Variants in ZBTB17 observed in about 807,000 individuals in gnomAD.
ZBTB17 encodes zinc finger and BTB domain containing 17, also known as zinc finger and BTB domain-containing protein 17.
In ZBTB17, 24 loss-of-function variants were observed where a neutral mutation model predicts 85.1. The ratio of observed to expected loss-of-function variants is 0.28; its 90% CI spans 0.20 to 0.40. ZBTB17 has a LOEUF of 0.40. ZBTB17 is among the 10% of genes least tolerant of loss of function. ZBTB17 has a pLI of 1.00. For missense variants in ZBTB17, 743 were observed against 1,105.1 expected (o/e 0.67, Z 4.65); for synonymous variants, 464 against 460.2 (o/e 1.01, Z -0.11).
chr1:15,945,174 C>T lies in ZBTB17; in HGVS notation c.690G>A (p.Gly230=). The change falls in exon 7 of 16, where the codon GGG becomes GGA. Residue 230 remains glycine (G), a synonymous_variant. Coordinates refer to ENST00000375743, the MANE Select transcript of ZBTB17 (RefSeq NM_003443.3). ...CCTCTTGCTCCTTTTGCTCCTCTTC[C>T]CCTTTCCGGGCGGGCTCCACCTCCA... ...QEMEVEPARK[G]EEEQKEQEEQ... is the part of the protein sequence containing the mutation. 1 of 1,562,256 alleles carries T rather than the reference C, an allele frequency of 6.4e-7. No homozygotes were observed. The highest frequency in any genetic ancestry group is 2.4e-5 in the East Asian group (1 of 42,060).
chr1:15,960,014 C>T (rs1002527903), intron 2 of ZBTB17, among the ~76,000 whole-genome samples: 3 of 152,180 alleles, frequency 2.0e-5, no homozygotes, highest in African/African-American at 4.8e-5. Flanking sequence ...CTTGAGGGGA[C>T]GCCCCGAGCA....
At chr1:15,967,775 G>C (rs1405617035) in intron 2 of ZBTB17, among the ~76,000 whole-genome samples, 1 of 152,168 alleles carries the variant, frequency 6.6e-6, no homozygotes, top group Non-Finnish European at 1.5e-5. Context: ...TTATATTCAA[G>C]GTAACTATTA....
At chr1:15,971,361 A>T (rs538095236) in intron 2 of ZBTB17, among the ~76,000 whole-genome samples, 25 of 131,526 alleles carry the variant, frequency 1.9e-4, no homozygotes, top group African/African-American at 2.4e-4. Context: ...ATACACACAC[A>T]ATATATATAT....
intron 2 of ZBTB17, among the ~76,000 whole-genome samples, chr1:15,967,042 G>C (rs1336117576): frequency 2.6e-5 from 4 of 151,826 alleles, no homozygotes; most frequent in African/African-American, 4.8e-5. Flanking sequence ...TTTCATTAAA[G>C]TTGAGGTCCC....
At position 15,964,888 on chromosome 1, in the gene ZBTB17, G is replaced by A. The variant is rs1300486466; in HGVS notation, c.-3+8151C>T. ...CCCAGCACTTTGGGAGGCCGAGATG[G>A]GTGGATCATGAGGTCAGGAGTTCAA... On this transcript the variant is annotated intron_variant, in intron 2 of 15. Transcript: ENST00000375743. The surrounding 1 kb of genome is among the most constrained non-coding windows in gnomAD (Gnocchi z 4.3). Among the ~76,000 whole-genome samples, 1 of 152,098 alleles carries A rather than the reference G, an allele frequency of 6.6e-6. No individual in the cohort carries two copies. The highest frequency in any genetic ancestry group is 6.5e-5 in the Admixed American group (1 of 15,278).
chr1:15,959,374 G>T (rs537014206), intron 2 of ZBTB17, among the ~76,000 whole-genome samples: 50 of 152,242 alleles, frequency 3.3e-4, no homozygotes, highest in Admixed American at 2.9e-3. Flanking sequence ...AGTGGGGAAG[G>T]AGCTCAACTT....
intron 2 of ZBTB17, among the ~76,000 whole-genome samples, chr1:15,959,481 G>C (rs1365201885): frequency 7.1e-6 from 1 of 140,310 alleles, no homozygotes; most frequent in Non-Finnish European, 1.5e-5. Context: ...GAGAGAAAAA[G>C]AGGAGGGAAG....
At chr1:15,959,783 T>TA (rs371806472) in intron 2 of ZBTB17, among the ~76,000 whole-genome samples, 1 of 151,590 alleles carries the variant, frequency 6.6e-6, no homozygotes, top group South Asian at 2.1e-4. Flanking sequence ...AAAATAAAAA[T>TA]AAAAAAGACA....
rs1391343853 is a variant in ZBTB17, at chr1:15,951,324, A to G, written c.-2-2827T>C. 4.3e-5 allele frequency among the ~76,000 whole-genome samples: 6 copies of G among 138,800 alleles called. No homozygotes were observed. The highest frequency in any genetic ancestry group is 1.6e-4 in the African/African-American group (6 of 38,208). The allele number at this position is 138,800 out of a possible 152,430, so 91.1% of individuals were successfully genotyped here. A position where few individuals can be genotyped will look rare whatever the true frequency, so the allele number is the denominator to read the frequency against. On this transcript the variant is annotated intron_variant, in intron 2 of 15. Transcript: ENST00000375743. The surrounding 1 kb of genome is among the most constrained non-coding windows in gnomAD (Gnocchi z 4.1). ...GAGAAGAAGGAAGGAAGGAAGGGAGAGAGGGAGGGAGGGAGGGGCCCTGTA... is the reference window on the plus strand; with the variant it reads ...GAGAAGAAGGAAGGAAGGAAGGGAGGGAGGGAGGGAGGGAGGGGCCCTGTA...
rs758904328 is a variant in ZBTB17 at position 15,942,671 on chromosome 1, G to A, written c.1896C>T (p.His632=). 6.2e-6 allele frequency: 10 copies of A among 1,613,640 alleles called. No individual in the cohort carries two copies. Among genetic ancestry groups the A allele is most frequent in the African/African-American group, 1.3e-5 (1 of 75,064 alleles). ...GFNRVDNLRS[H]VKTVHQGKAG... is the part of the protein sequence containing the mutation. ...CCTTGCCCTGGTGCACGGTCTTCAC[G>A]TGGGAGCGCAGGTTGTCTACCCGGT... The change falls in exon 14 of 16, where the codon CAC becomes CAT. Residue 632 remains histidine, a synonymous_variant. Transcript: ENST00000375743.
Position 15,942,258 on chromosome 1 carries a change from G to A in ZBTB17, c.2129-6C>T, listed in dbSNP as rs2071390589. ...GAGGATGTGAGTGTTGGGGTCTGTG[G>A]AGGTGGGGCAGCAGTCAGAGTGGGA... On this transcript the variant is annotated splice_region_variant and splice_polypyrimidine_tract_variant and intron_variant, in intron 15 of 15. Transcript: ENST00000375743. The A allele has an allele frequency of 1.2e-6, 2 of 1,613,230 alleles. No individual in the cohort carries two copies. The highest frequency in any genetic ancestry group is 1.7e-6 in the Non-Finnish European group (2 of 1,179,424).
In ZBTB17 at chr1:15,973,337, C is replaced by T. The variant is rs2072747189; in HGVS notation, c.-89-212G>A. ...AAAGATGCACAGACTCAGCCTCAGG[C>T]CCTGCTCTCAAGAACTCCAGCTCAA... On this transcript the variant is annotated intron_variant, in intron 1 of 15. Coordinates refer to ENST00000375743, the MANE Select transcript of ZBTB17 (RefSeq NM_003443.3). The surrounding 1 kb of genome is among the most constrained non-coding windows in gnomAD (Gnocchi z 4.1). Among the ~76,000 whole-genome samples the T allele has an allele frequency of 6.6e-6, 1 of 152,190 alleles. No homozygotes were observed. Among genetic ancestry groups the T allele is most frequent in the Admixed American group, 6.5e-5 (1 of 15,284 alleles).
intron 2 of ZBTB17, among the ~76,000 whole-genome samples, chr1:15,960,468 A>G (rs1484752327): frequency 6.6e-6 from 1 of 152,236 alleles, no homozygotes; most frequent in African/African-American, 2.4e-5. Context: ...TCCTTATCCT[A>G]TCTTCTGAAA....
At position 15,951,355 on chromosome 1, in the gene ZBTB17, A is replaced by G. The variant is rs1205015500; in HGVS notation, c.-2-2858T>C. On this transcript the variant is annotated intron_variant, in intron 2 of 15. Transcript: ENST00000375743. This position sits in a 1 kb window ranked among gnomAD's most constrained non-coding sequence, Gnocchi z 4.1. ...AGGGAGGGAGGGGCCCTGTACCCACAGAGAGATCAGCAGCAGCTGAAATGC... is the reference window on the plus strand; with the variant it reads ...AGGGAGGGAGGGGCCCTGTACCCACGGAGAGATCAGCAGCAGCTGAAATGC... Among the ~76,000 whole-genome samples the G allele has an allele frequency of 6.7e-6, 1 of 149,226 alleles. No homozygotes were observed. The highest frequency in any genetic ancestry group is 1.5e-5 in the Non-Finnish European group (1 of 67,196).
chr1:15,957,330 CCT>C (rs1300579539), intron 2 of ZBTB17, among the ~76,000 whole-genome samples: 2 of 142,122 alleles, frequency 1.4e-5, no homozygotes, highest in African/African-American at 5.0e-5. Context: ...ATGCAAAAAC[CCT>C]GAGGCGGGCA....
chr1:15,963,663 A>G (rs917803386), intron 2 of ZBTB17, among the ~76,000 whole-genome samples: 1 of 152,224 alleles, frequency 6.6e-6, no homozygotes, highest in Non-Finnish European at 1.5e-5. Context: ...CTACAGCCCA[A>G]ATTTACACCT....
At position 15,941,881 on chromosome 1, in the gene ZBTB17, C is replaced by A. The variant is rs1027653161; in HGVS notation, c.*88G>T. 1.4e-6 allele frequency: 2 copies of A among 1,472,242 alleles called. No homozygotes were observed. The highest frequency in any genetic ancestry group is 2.1e-5 in the Admixed American group (1 of 47,842). 91.2% of individuals were successfully genotyped at this position (1,472,242 alleles called of 1,614,324 possible). On this transcript the variant is annotated 3_prime_UTR_variant, in exon 16 of 16. Coordinates refer to ENST00000375743, the MANE Select transcript of ZBTB17 (RefSeq NM_003443.3). The stretch of plus-strand genomic sequence containing the variant: ...CCTATAGGCAGCATTAGAAAATAAT[C>A]CAATTTATTCTCTCTAGGGAACAGG...
intron 2 of ZBTB17, among the ~76,000 whole-genome samples, chr1:15,967,687 A>C (rs977760226): frequency 6.6e-6 from 1 of 152,150 alleles, no homozygotes; most frequent in Admixed American, 6.5e-5. Flanking sequence ...CTTCTATCAA[A>C]TAACAGTAAT....
chr1:15,956,293 C>G (rs1461827983), intron 2 of ZBTB17, among the ~76,000 whole-genome samples: 1 of 152,248 alleles, frequency 6.6e-6, no homozygotes, highest in Non-Finnish European at 1.5e-5. Flanking sequence ...GGGGCTACTT[C>G]TTATTTCTTC....
Sources: allele counts gnomAD v4.1 joint callset (sites outside exome capture counted in the v4.1 genomes callset), GRCh38; gene constraint gnomAD v4.1.1; non-coding constraint Gnocchi (gnomAD v3.1); transcripts MANE v1.5; gene names NCBI Gene and HGNC (gene_info 2026-07-23, HGNC 2026-07-21).